The following AFG2A variants were observed in gnomAD, a reference collection of about 807,000 sequenced individuals.
AFG2A encodes the protein ATPase family gene 2 protein homolog A.
chr4:122,937,571 T>C, the AFG2A span, among the ~76,000 whole-genome samples: 6 of 152,358 alleles, frequency 3.9e-5, no homozygotes, highest in East Asian at 9.6e-4. Flanking sequence ...TTTGTAGTCC[T>C]AGTACTGTAC....
At chr4:123,270,517 T>G in the AFG2A span, among the ~76,000 whole-genome samples, 22 of 152,182 alleles carry the variant, frequency 1.4e-4, no homozygotes, top group African/African-American at 5.1e-4. Flanking sequence ...CTTGTGTGCT[T>G]TGTGCATCAA....
At chr4:122,932,838 G>C in the AFG2A span, among the ~76,000 whole-genome samples, 1 of 152,150 alleles carries the variant, frequency 6.6e-6, no homozygotes, top group African/African-American at 2.4e-5. Context: ...GTAACATACT[G>C]TATAGGACTT....
At chr4:122,994,998 C>T in the AFG2A span, among the ~76,000 whole-genome samples, 1 of 152,170 alleles carries the variant, frequency 6.6e-6, no homozygotes, top group African/African-American at 2.4e-5. Context: ...ATGTGACAGT[C>T]AGTTGAGTTT....
chr4:122,990,296 A>G, the AFG2A span, among the ~76,000 whole-genome samples: 2 of 151,834 alleles, frequency 1.3e-5, no homozygotes, highest in East Asian at 3.9e-4. Context: ...GCAGTAGAAA[A>G]CTCCTATTCT....
the AFG2A span, among the ~76,000 whole-genome samples, chr4:123,144,820 A>T: frequency 9.2e-5 from 14 of 152,102 alleles, no homozygotes; most frequent in African/African-American, 3.4e-4. Context: ...AATTGGTCAT[A>T]CTAGTTTATG....
At chr4:123,168,831 G>T in the AFG2A span, among the ~76,000 whole-genome samples, 3 of 152,262 alleles carry the variant, frequency 2.0e-5, no homozygotes, top group Admixed American at 6.5e-5. Context: ...CCATGAACAG[G>T]ATCCATTCTT....
chr4:123,007,625 T>C, the AFG2A span, among the ~76,000 whole-genome samples: 11 of 45,886 alleles, frequency 2.4e-4, no homozygotes, highest in African/African-American at 6.4e-4. Flanking sequence ...TATATATATA[T>C]ATATACACAC....
chr4:123,229,882 G>A, the AFG2A span, among the ~76,000 whole-genome samples: 47 of 151,910 alleles, frequency 3.1e-4, no homozygotes, highest in African/African-American at 8.9e-4. Context: ...TAGAGATATC[G>A]TATGTTCGGT....
the AFG2A span, among the ~76,000 whole-genome samples, chr4:123,007,464 T>C: frequency 6.6e-6 from 1 of 151,362 alleles, no homozygotes; most frequent in South Asian, 2.1e-4. Context: ...GAATCCCCAC[T>C]CCCTCTGTCT....
chr4:123,303,753 CCT>C, the AFG2A span, among the ~76,000 whole-genome samples: 1 of 151,874 alleles, frequency 6.6e-6, no homozygotes, highest in African/African-American at 2.4e-5. Flanking sequence ...AGAGAGCAAC[CCT>C]GTCTTCAACA....
At chr4:123,197,243 A>T in the AFG2A span, among the ~76,000 whole-genome samples, 1 of 152,204 alleles carries the variant, frequency 6.6e-6, no homozygotes. Context: ...CGTTTGTTTA[A>T]ATAATGTGAA....
At chr4:123,279,815 T>C in the AFG2A span, among the ~76,000 whole-genome samples, 3 of 152,170 alleles carry the variant, frequency 2.0e-5, no homozygotes, top group Admixed American at 1.3e-4. Context: ...CATCAATAAG[T>C]AGAACTGATC....
chr4:122,952,722 C>A, the AFG2A span, among the ~76,000 whole-genome samples: 3 of 152,148 alleles, frequency 2.0e-5, no homozygotes, highest in Non-Finnish European at 4.4e-5. Context: ...CCAGGACCTC[C>A]ATGGCTATAT....
At chr4:123,101,738 G>A in the AFG2A span, among the ~76,000 whole-genome samples, 2 of 151,850 alleles carry the variant, frequency 1.3e-5, no homozygotes, top group African/African-American at 2.4e-5. Context: ...ACATTGGAAA[G>A]GAGCTTTTGC....
At chr4:122,933,293 T>C in the AFG2A span, 1 of 650,162 alleles carries the variant, frequency 1.5e-6, no homozygotes, top group Non-Finnish European at 2.6e-6. Flanking sequence ...CATTTCAAAA[T>C]TGTATACATT....
At chr4:123,149,416 G>A in the AFG2A span, among the ~76,000 whole-genome samples, 1 of 152,132 alleles carries the variant, frequency 6.6e-6, no homozygotes, top group Non-Finnish European at 1.5e-5. Flanking sequence ...ATGAGAAATG[G>A]GGTTTAGCTG....
chr4:122,924,115 A>G, the AFG2A span, among the ~76,000 whole-genome samples: 1 of 152,232 alleles, frequency 6.6e-6, no homozygotes, highest in Non-Finnish European at 1.5e-5. Context: ...TTTAGAGTTC[A>G]CATGGTATTT....
chr4:123,117,848 T>C, the AFG2A span, among the ~76,000 whole-genome samples: 1 of 144,136 alleles, frequency 6.9e-6, no homozygotes, highest in Non-Finnish European at 1.5e-5. Context: ...TCCTTGGGGT[T>C]ATTTTTTTAA....
chr4:123,235,784 G>A, the AFG2A span, among the ~76,000 whole-genome samples: 1 of 152,080 alleles, frequency 6.6e-6, no homozygotes, highest in African/African-American at 2.4e-5. Context: ...TTCCTTTTCT[G>A]CTTATGTTTA....
Sources: allele counts gnomAD v4.1 joint callset (sites outside exome capture counted in the v4.1 genomes callset), GRCh38; gene constraint gnomAD v4.1.1; transcripts MANE v1.5; gene names NCBI Gene and HGNC (gene_info 2026-07-23, HGNC 2026-07-21).